The following LBP variants were observed in gnomAD, a reference collection of about 807,000 sequenced individuals.
The protein encoded by LBP is lipopolysaccharide-binding protein.
LBP carries 53 observed loss-of-function variants against 56.6 expected under a neutral mutation model. The observed-to-expected ratio is 0.94, with a 90% CI of 0.75 to 1.18. LBP has a LOEUF of 1.18. Ranked by LOEUF, LBP falls within the 50% of genes most tolerant of loss-of-function variation. The pLI, the probability that LBP is intolerant of heterozygous loss-of-function variation, is 0.00. For synonymous variants in LBP, 227 were observed against 247.5 expected (o/e 0.92, Z 0.78); for missense variants, 601 against 598.3 (o/e 1.00, Z -0.05).
At position 38,371,440 on chromosome 20, in the gene LBP, C is replaced by T. The variant is rs557832351; in HGVS notation, c.1260+118C>T. On this transcript the variant is annotated intron_variant, in intron 12 of 14. Transcript: ENST00000217407. ...AAAGGAGAAGAGTTGATTTTTTGCC[C>T]TGCAGAAGTGTAAAAGGTCTCGAAA... 4 of 769,834 alleles carry T rather than the reference C, an allele frequency of 5.2e-6. No homozygotes were observed. In the East Asian group the frequency reaches 8.2e-5, roughly 16 times the overall value. 47.7% of individuals were successfully genotyped at this position (769,834 alleles called of 1,614,324 possible).
Position 38,376,698 on chromosome 20 carries a change from C to T in LBP, c.*29C>T. On this transcript the variant is annotated 3_prime_UTR_variant, in exon 15 of 15. Coordinates refer to ENST00000217407, the MANE Select transcript of LBP (RefSeq NM_004139.5). ...CAAGAAAGATGAAGCTTGGAGGTCA[C>T]AGCTGGATCTGCTTGTTGCATTTCC... 6.3e-7 allele frequency: 1 copy of T among 1,595,226 alleles called. No homozygotes were observed. Among genetic ancestry groups the T allele is most frequent in the Non-Finnish European group, 8.6e-7 (1 of 1,162,840 alleles).
intron 1 of LBP, among the ~76,000 whole-genome samples, chr20:38,347,499 ATGC>A (rs1202377366): frequency 6.6e-6 from 1 of 152,236 alleles, no homozygotes; most frequent in Non-Finnish European, 1.5e-5. Flanking sequence ...AGCCGAGATC[ATGC>A]TGCTGCATTG....
Position 38,371,367 on chromosome 20 carries a change from T to C in LBP, c.1260+45T>C, listed in dbSNP as rs374312233. The C allele has an allele frequency of 3.5e-5, 50 of 1,441,790 alleles. No homozygotes were observed. In the African/African-American group the frequency reaches 6.5e-4, roughly 19 times the overall value. 89.3% of individuals were successfully genotyped at this position (1,441,790 alleles called of 1,614,324 possible). The stretch of plus-strand genomic sequence containing the variant: ...GACATGATTAGAATGTTAATTAATT[T>C]GGGGTGTTTCCTAAGCAATTGCTAT... On this transcript the variant is annotated intron_variant, in intron 12 of 14. Transcript: ENST00000217407.
chr20:38,350,956 C>T lies in LBP; in HGVS notation c.368+17C>T, dbSNP rs1019669991. ...GTCATTCTTGTAAGTTGGCTCTGCT[C>T]CCAGGCCCTGGAGCTCTTGGCCTTG... On this transcript the variant is annotated intron_variant, in intron 3 of 14. Transcript: ENST00000217407. 5.6e-6 allele frequency: 9 copies of T among 1,611,192 alleles called. No homozygotes were observed. The highest frequency in any genetic ancestry group is 6.8e-6 in the Non-Finnish European group (8 of 1,178,024).
chr20:38,354,237 A>G, intron 3 of LBP, 47 bp from the exon 4 acceptor site: 1 of 1,550,604 alleles, frequency 6.4e-7, no homozygotes, highest in Non-Finnish European at 8.8e-7. Context: ...AAATGGTGGC[A>G]GACCCCTGGT....
chr20:38,350,678 G>C, intron 2 of LBP, 133 bp from the exon 3 acceptor site: 1 of 961,464 alleles, frequency 1.0e-6, no homozygotes, highest in Non-Finnish European at 1.5e-6. Flanking sequence ...TCGATGCCTG[G>C]GGCACAGCAG....
chr20:38,373,357 G>A (rs910923294), intron 13 of LBP, among the ~76,000 whole-genome samples: 2 of 152,102 alleles, frequency 1.3e-5, no homozygotes, highest in Non-Finnish European at 2.9e-5. Flanking sequence ...GCTCTTTGGA[G>A]CACGGGAAAC....
chr20:38,370,250 C>G (rs1252281945), intron 10 of LBP, among the ~76,000 whole-genome samples: 1 of 151,968 alleles, frequency 6.6e-6, no homozygotes, highest in Non-Finnish European at 1.5e-5. Context: ...GTGGCATGCA[C>G]CTGTAGTCCT....
At chr20:38,366,903 G>A in intron 9 of LBP, 75 bp downstream of exon 9, 4 of 1,320,926 alleles carry the variant, frequency 3.0e-6, no homozygotes, top group Non-Finnish European at 3.3e-6. Context: ...TAAAACCTCT[G>A]CATCTCTCAG....
At chr20:38,367,966 G>C (rs941017448) in intron 9 of LBP, among the ~76,000 whole-genome samples, 1 of 151,790 alleles carries the variant, frequency 6.6e-6, no homozygotes, top group Non-Finnish European at 1.5e-5. Context: ...CCAAAGTGGG[G>C]GGGTAGCTTG....
chr20:38,356,384 CACCA>C (rs2076840065), intron 5 of LBP, among the ~76,000 whole-genome samples: 1 of 142,374 alleles, frequency 7.0e-6, no homozygotes, highest in Non-Finnish European at 1.5e-5. Context: ...CACACAAACA[CACCA>C]CCCACTCACA....
chr20:38,373,107 C>CCTTA lies in LBP; in HGVS notation c.1297_1300dup (p.Asn434ThrfsTer2), dbSNP rs1401840274. On this transcript the variant is annotated frameshift_variant, in exon 13 of 15. Coordinates refer to ENST00000217407, the MANE Select transcript of LBP (RefSeq NM_004139.5). LOFTEE classifies it high-confidence loss of function. ...TGGAAGCGCTCCTCAACTATTACAT[C>CCTTA]CTTAACACCTTCTACCCCAAGTTCA... 1.2e-5 allele frequency: 19 copies of CCTTA among 1,613,844 alleles called. No individual in the cohort carries two copies. The highest frequency in any genetic ancestry group is 1.5e-5 in the Non-Finnish European group (18 of 1,179,854).
chr20:38,357,446 A>C (rs2076845371), intron 5 of LBP, among the ~76,000 whole-genome samples: 1 of 152,208 alleles, frequency 6.6e-6, no homozygotes. Flanking sequence ...TCAGGGTGGG[A>C]TGTGGTACCT....
At chr20:38,374,478 T>C (rs2076911187) in intron 14 of LBP, among the ~76,000 whole-genome samples, 1 of 151,152 alleles carries the variant, frequency 6.6e-6, no homozygotes, top group Non-Finnish European at 1.5e-5. Context: ...GTGCCTGTAA[T>C]CCCAGCTACT....
chr20:38,355,386 T>C lies in LBP; in HGVS notation c.565T>C (p.Phe189Leu). ...NLFHNQIESK[F>L]QKVLESRICE... ...CTTCCACAACCAGATTGAGTCCAAGTTCCAGAAAGTACTGGAGAGCAGGGT... is the reference window on the plus strand; with the variant it reads ...CTTCCACAACCAGATTGAGTCCAAGCTCCAGAAAGTACTGGAGAGCAGGGT... Residue 189 changes from phenylalanine (F) to leucine (L), a missense_variant, in exon 5 of 15, where the codon TTC (phenylalanine) becomes CTC (leucine). Transcript: ENST00000217407. The C allele has an allele frequency of 6.2e-7, 1 of 1,613,750 alleles. No homozygotes were observed. Among genetic ancestry groups the C allele is most frequent in the Non-Finnish European group, 8.5e-7 (1 of 1,179,956 alleles).
At chr20:38,348,115 G>T (rs1451639844) in intron 1 of LBP, among the ~76,000 whole-genome samples, 1 of 152,270 alleles carries the variant, frequency 6.6e-6, no homozygotes, top group South Asian at 2.1e-4. Flanking sequence ...GAAAGGGGAG[G>T]CTGCTGGTCA....
At chr20:38,349,710 G>C (rs2076813894) in intron 2 of LBP, 48 bp downstream of exon 2, 2 of 1,349,418 alleles carry the variant, frequency 1.5e-6, no homozygotes, top group African/African-American at 1.4e-5. Context: ...GGAGCTGGCT[G>C]TCAGGGGGAA....
At chr20:38,359,542 A>G (rs1418442649) in intron 5 of LBP, among the ~76,000 whole-genome samples, 3 of 152,190 alleles carry the variant, frequency 2.0e-5, no homozygotes, top group African/African-American at 7.2e-5. Flanking sequence ...AGATTGTGCC[A>G]TTGCACTCTA....
chr20:38,370,194 C>T (rs2076896304), intron 10 of LBP, among the ~76,000 whole-genome samples: 1 of 151,980 alleles, frequency 6.6e-6, no homozygotes. Context: ...GGCAACACAG[C>T]AAGACTCCAT....
Sources: gnomAD v4.1 joint callset for allele counts (sites outside exome capture counted in the v4.1 genomes callset) on GRCh38, gnomAD v4.1.1 for gene constraint, MANE v1.5 for transcripts, NCBI Gene and HGNC (gene_info 2026-07-23, HGNC 2026-07-21) for gene names.